Variants in PTPRN2 observed in about 807,000 individuals in gnomAD.
The protein encoded by PTPRN2 is receptor-type tyrosine-protein phosphatase N2.
PTPRN2 carries 74 observed loss-of-function variants against 118.8 expected under a neutral mutation model. The ratio of observed to expected loss-of-function variants is 0.62; its 90% CI spans 0.52 to 0.76. The LOEUF is 0.76. PTPRN2 is among the 30% of genes least tolerant of loss of function. The pLI is 0.00. For missense variants in PTPRN2, 1,481 were observed against 1,394.4 expected, an observed-to-expected ratio of 1.06 and a Z score of -0.99; for synonymous variants, 641 against 608.0, an observed-to-expected ratio of 1.05 and a Z score of -0.80.
At chr7:157,970,480 C>T (rs1802244130) in intron 11 of PTPRN2, among the ~76,000 whole-genome samples, 1 of 152,206 alleles carries the variant, frequency 6.6e-6, no homozygotes, top group East Asian at 1.9e-4. Context: ...GAAAATAGAG[C>T]AGAGCAGGGA....
intron 2 of PTPRN2, among the ~76,000 whole-genome samples, chr7:158,463,566 A>C (rs1198764813): frequency 6.6e-6 from 1 of 151,914 alleles, no homozygotes; most frequent in Non-Finnish European, 1.5e-5. Context: ...CCTCATTGTC[A>C]TCATCATTGT....
At chr7:157,997,195 G>A (rs956229785) in intron 11 of PTPRN2, among the ~76,000 whole-genome samples, 7 of 152,220 alleles carry the variant, frequency 4.6e-5, no homozygotes, top group African/African-American at 1.2e-4. Context: ...GAGTGCCCAC[G>A]TGCCCTGCGG....
At chr7:158,425,059 G>A (rs1210676927) in intron 2 of PTPRN2, among the ~76,000 whole-genome samples, 2 of 152,228 alleles carry the variant, frequency 1.3e-5, no homozygotes, top group Admixed American at 6.5e-5. Flanking sequence ...TCCTTCATGT[G>A]GCCATCACTT....
chr7:158,394,221 G>A (rs1812158528), intron 2 of PTPRN2, among the ~76,000 whole-genome samples: 1 of 151,096 alleles, frequency 6.6e-6, no homozygotes, highest in South Asian at 2.1e-4. Context: ...CCCCACAGAT[G>A]CCTGGACCTC....
chr7:157,660,840 C>T (rs993533402), intron 13 of PTPRN2, among the ~76,000 whole-genome samples: 19 of 152,258 alleles, frequency 1.2e-4, no homozygotes, highest in Non-Finnish European at 2.2e-4. Context: ...CTGCAGCCTC[C>T]GCCTCCCGGG....
intron 12 of PTPRN2, among the ~76,000 whole-genome samples, chr7:157,825,054 T>G (rs974247144): frequency 6.6e-6 from 1 of 152,182 alleles, no homozygotes; most frequent in African/African-American, 2.4e-5. Context: ...ACGAGGATTC[T>G]TCACCATCCC....
rs144065046 is a variant in PTPRN2, at chr7:158,520,745, G to A, written c.113-30960C>T. On this transcript the variant is annotated intron_variant, in intron 1 of 22. Transcript: ENST00000389418. ...CAATAGAAACAAACATACGAAGAAC[G>A]ATCGGGTGGCTGCTTATCAGAAAAT... Among the ~76,000 whole-genome samples, 757 of 152,182 alleles carry A rather than the reference G, an allele frequency of 5.0e-3. 6 individuals are homozygous for A. The highest frequency in any genetic ancestry group is 0.017 in the African/African-American group (715 of 41,504).
chr7:157,694,755 ATT>A (rs1182525067), intron 12 of PTPRN2, among the ~76,000 whole-genome samples: 4 of 149,924 alleles, frequency 2.7e-5, no homozygotes, highest in Non-Finnish European at 6.0e-5. Context: ...TGATGTGAGG[ATT>A]TTTTCTTTTT....
At chr7:158,008,099 T>G (rs1045396446) in intron 11 of PTPRN2, among the ~76,000 whole-genome samples, 8 of 147,024 alleles carry the variant, frequency 5.4e-5, no homozygotes, top group African/African-American at 2.0e-4. Context: ...GTGTGCTGTG[T>G]GTGGGGGTGT....
intron 11 of PTPRN2, among the ~76,000 whole-genome samples, chr7:157,922,892 A>C (rs1461363213): frequency 6.6e-6 from 1 of 152,222 alleles, no homozygotes; most frequent in African/African-American, 2.4e-5. Context: ...GCAAAATGAA[A>C]ATATATATTA....
At chr7:158,182,912 T>C (rs997870388) in intron 5 of PTPRN2, among the ~76,000 whole-genome samples, 3 of 152,244 alleles carry the variant, frequency 2.0e-5, no homozygotes, top group African/African-American at 7.2e-5. Flanking sequence ...AGTGTTGGCA[T>C]GTTGCTGCCT....
chr7:158,078,995 C>T (rs986560368), intron 11 of PTPRN2, among the ~76,000 whole-genome samples: 2 of 152,122 alleles, frequency 1.3e-5, no homozygotes, highest in African/African-American at 4.8e-5. Context: ...TTTGAGCCAC[C>T]ACACCCAGCT....
rs1183328357 is a variant in PTPRN2 at position 157,598,005 on chromosome 7, T to G, written c.2419-2690A>C. Among the ~76,000 whole-genome samples the G allele has an allele frequency of 6.6e-6, 1 of 152,254 alleles. No individual in the cohort carries two copies. The highest frequency in any genetic ancestry group is 2.4e-5 in the African/African-American group (1 of 41,462). On this transcript the variant is annotated intron_variant, in intron 16 of 22. Coordinates refer to ENST00000389418, the MANE Select transcript of PTPRN2 (RefSeq NM_002847.5). This position sits in a 1 kb window ranked among gnomAD's most constrained non-coding sequence, Gnocchi z 5.2. Reference sequence around the variant, plus strand: ...GCAAAGGCCACAGGCAGCCTCCTTGTGGTCTCACGCAGGCTTCGAGGAAAA... The same window carrying G: ...GCAAAGGCCACAGGCAGCCTCCTTGGGGTCTCACGCAGGCTTCGAGGAAAA...
chr7:157,749,185 CTCTGGGCTGTCCGGGTG>C (rs1437841634), intron 12 of PTPRN2, among the ~76,000 whole-genome samples: 7 of 57,982 alleles, frequency 1.2e-4, no homozygotes, highest in African/African-American at 5.2e-4. Flanking sequence ...TGTCCCTGAG[CTCTGGGCTGTCCGGGTG>C]ATTCTGAGGC....
At chr7:157,748,147 C>T (rs1249108110) in intron 12 of PTPRN2, among the ~76,000 whole-genome samples, 1 of 150,424 alleles carries the variant, frequency 6.6e-6, no homozygotes, top group Non-Finnish European at 1.5e-5. Flanking sequence ...ATTCTGACCC[C>T]TGCGTCTCTG....
intron 13 of PTPRN2, among the ~76,000 whole-genome samples, chr7:157,669,896 T>A (rs1376330491): frequency 1.3e-5 from 2 of 152,074 alleles, no homozygotes; most frequent in Non-Finnish European, 2.9e-5. Context: ...TCCTAGTTAT[T>A]TTCACGTCCA....
At chr7:157,656,656 T>A in intron 13 of PTPRN2, 105 bp from the exon 14 acceptor site, 1 of 1,194,348 alleles carries the variant, frequency 8.4e-7, no homozygotes, top group Non-Finnish European at 1.2e-6. Flanking sequence ...CCTGCTAAGA[T>A]CCAAGGTTCA....
At chr7:157,867,820 T>C (rs1810803569) in intron 12 of PTPRN2, among the ~76,000 whole-genome samples, 1 of 152,208 alleles carries the variant, frequency 6.6e-6, no homozygotes, top group Non-Finnish European at 1.5e-5. Flanking sequence ...CCTTTCTGCA[T>C]GGGCCCGAGG....
intron 5 of PTPRN2, among the ~76,000 whole-genome samples, chr7:158,187,029 C>G (rs1825223423): frequency 2.0e-5 from 3 of 152,168 alleles, no homozygotes; most frequent in Admixed American, 2.0e-4. Context: ...ATGATGAGTT[C>G]AAGGACTGTG....
Sources: allele counts gnomAD v4.1 joint callset (sites outside exome capture counted in the v4.1 genomes callset), GRCh38; gene constraint gnomAD v4.1.1; non-coding constraint Gnocchi (gnomAD v3.1); transcripts MANE v1.5; gene names NCBI Gene and HGNC (gene_info 2026-07-23, HGNC 2026-07-21).